The following PCCA variants were observed in gnomAD, a reference collection of about 807,000 sequenced individuals.
PCCA encodes propionyl-CoA carboxylase subunit alpha.
PCCA carries 74 observed loss-of-function variants against 101.3 expected under a neutral mutation model. That is an observed-to-expected ratio of 0.73 (90% CI 0.61 to 0.89). PCCA has a LOEUF of 0.89. PCCA is among the 40% of genes least tolerant of loss of function. The probability of loss-of-function intolerance (pLI) is 0.00; values close to 1 mark genes in which losing one functional copy is unlikely to be tolerated. For synonymous variants in PCCA, 294 were observed against 313.6 expected (o/e 0.94, Z 0.66); for missense variants, 891 against 907.0 (o/e 0.98, Z 0.23).
At chr13:100,113,696 A>G (rs940296287) in intron 4 of PCCA, among the ~76,000 whole-genome samples, 3 of 150,548 alleles carry the variant, frequency 2.0e-5, no homozygotes, top group African/African-American at 2.4e-5. Context: ...CTCCTGCCTC[A>G]TCCTCTCCAG....
At position 100,527,690 on chromosome 13, in the gene PCCA, G is replaced by A; in HGVS notation, c.2056G>A (p.Glu686Lys). 1 of 1,613,974 alleles carries A rather than the reference G, an allele frequency of 6.2e-7. No homozygotes were observed. The highest frequency in any genetic ancestry group is 8.5e-7 in the Non-Finnish European group (1 of 1,179,838). Reference sequence around the variant, plus strand: ...TGTTTTCCAGGTAGCAGAAGGTCAAGAAATTTGTGTGATTGAAGCCATGAA... The same window carrying A: ...TGTTTTCCAGGTAGCAGAAGGTCAAAAAATTTGTGTGATTGAAGCCATGAA... ...KPGDAVAEGQ[E>K]ICVIEAMKMQ... The change falls in exon 23 of 24, where the codon GAA (glutamate) becomes AAA (lysine). Residue 686 changes from glutamate to lysine, a missense_variant. Coordinates refer to ENST00000376285, the MANE Select transcript of PCCA (RefSeq NM_000282.4).
chr13:100,360,123 T>C (rs1207028061), intron 18 of PCCA, among the ~76,000 whole-genome samples: 1 of 151,904 alleles, frequency 6.6e-6, no homozygotes, highest in Non-Finnish European at 1.5e-5. Context: ...GCAAGTCACA[T>C]CTTAAGTGGA....
At chr13:100,416,354 A>G (rs1410072162) in intron 19 of PCCA, among the ~76,000 whole-genome samples, 1 of 151,110 alleles carries the variant, frequency 6.6e-6, no homozygotes, top group Non-Finnish European at 1.5e-5. Flanking sequence ...TCTAATTTTT[A>G]TATTTTTAGT....
At chr13:100,167,895 T>C (rs1400948695) in intron 6 of PCCA, among the ~76,000 whole-genome samples, 1 of 152,064 alleles carries the variant, frequency 6.6e-6, no homozygotes, top group Non-Finnish European at 1.5e-5. Flanking sequence ...GCCTCCTGAG[T>C]AGCTGGGATT....
chr13:100,255,885 ACT>A (rs971229262), intron 8 of PCCA, among the ~76,000 whole-genome samples: 4 of 152,064 alleles, frequency 2.6e-5, no homozygotes, highest in African/African-American at 9.7e-5. Flanking sequence ...CCTGCAGATA[ACT>A]CTGTACTTCA....
intron 19 of PCCA, among the ~76,000 whole-genome samples, chr13:100,408,929 A>G (rs2077851197): frequency 6.6e-6 from 1 of 152,252 alleles, no homozygotes; most frequent in Non-Finnish European, 1.5e-5. Flanking sequence ...TTTTATTCTC[A>G]TGCAAGTGGT....
intron 8 of PCCA, among the ~76,000 whole-genome samples, chr13:100,247,100 G>A (rs967950145): frequency 2.0e-5 from 3 of 151,754 alleles, no homozygotes; most frequent in South Asian, 4.2e-4. Flanking sequence ...TAGAGATGGG[G>A]TTTCACCATG....
At chr13:100,158,131 T>TA (rs2054065029) in intron 6 of PCCA, among the ~76,000 whole-genome samples, 1 of 152,204 alleles carries the variant, frequency 6.6e-6, no homozygotes, top group Non-Finnish European at 1.5e-5. Flanking sequence ...GCTACAAACC[T>TA]ATACGTGTTG....
At chr13:100,152,985 C>T (rs911443850) in intron 4 of PCCA, among the ~76,000 whole-genome samples, 1 of 151,924 alleles carries the variant, frequency 6.6e-6, no homozygotes, top group East Asian at 1.9e-4. Context: ...CTTTTAATTT[C>T]TTTTCCTTGA....
chr13:100,217,769 C>T (rs538909438), intron 7 of PCCA, among the ~76,000 whole-genome samples: 5 of 145,320 alleles, frequency 3.4e-5, no homozygotes, highest in South Asian at 2.1e-4. Flanking sequence ...GCAGGAGAAT[C>T]GCTAGAACCC....
intron 16 of PCCA, among the ~76,000 whole-genome samples, chr13:100,322,368 G>A (rs1345166392): frequency 6.6e-6 from 1 of 152,064 alleles, no homozygotes; most frequent in Non-Finnish European, 1.5e-5. Context: ...GTCTGTGTCT[G>A]GGTGTCTTTT....
intron 21 of PCCA, among the ~76,000 whole-genome samples, chr13:100,495,971 C>T (rs201695134): frequency 7.5e-5 from 5 of 66,852 alleles, no homozygotes; most frequent in Non-Finnish European, 5.7e-5. Context: ...CTCTCTTTCT[C>T]TCTCTCTCTC....
chr13:100,111,178 CTTTTTTTTTTTTTTTT>C (rs965293674), intron 2 of PCCA, among the ~76,000 whole-genome samples: 4 of 98,574 alleles, frequency 4.1e-5, no homozygotes, highest in African/African-American at 8.5e-5. Flanking sequence ...GACCCAGCTC[CTTTTTTTTTTTTTTTT>C]TTTTTTTTTT....
intron 21 of PCCA, 115 bp from the exon 22 acceptor site, chr13:100,515,312 A>T: frequency 1.1e-6 from 1 of 877,884 alleles, no homozygotes; most frequent in Non-Finnish European, 1.8e-6. Flanking sequence ...ATTTGAATTT[A>T]AGGCTCTTAC....
At chr13:100,288,577 G>A (rs1331253108) in intron 12 of PCCA, among the ~76,000 whole-genome samples, 1 of 152,176 alleles carries the variant, frequency 6.6e-6, no homozygotes, top group East Asian at 1.9e-4. Context: ...CAGGGCACCC[G>A]GCGATACATT....
At chr13:100,285,436 A>T (rs1360610808) in intron 12 of PCCA, among the ~76,000 whole-genome samples, 2 of 152,174 alleles carry the variant, frequency 1.3e-5, no homozygotes, top group Non-Finnish European at 2.9e-5. Flanking sequence ...CACCAGTGGC[A>T]TACCTAAGTA....
intron 1 of PCCA, 137 bp from the exon 2 acceptor site, chr13:100,102,746 T>C (rs933812170): frequency 6.1e-6 from 4 of 659,232 alleles, no homozygotes; most frequent in African/African-American, 5.4e-5. Flanking sequence ...TTTGTAATTA[T>C]ATTTATGGTA....
At chr13:100,150,886 G>A (rs1012113395) in intron 4 of PCCA, 9 of 1,557,250 alleles carry the variant, frequency 5.8e-6, no homozygotes, top group Non-Finnish European at 7.1e-6. Context: ...GGCGTTTTCG[G>A]CCACCACGGC....
intron 12 of PCCA, among the ~76,000 whole-genome samples, chr13:100,285,646 C>T (rs1206759966): frequency 6.6e-6 from 1 of 152,168 alleles, no homozygotes; most frequent in Non-Finnish European, 1.5e-5. Context: ...ACCAGGTGCT[C>T]CTCCTTGAAG....
Sources: allele counts gnomAD v4.1 joint callset (sites outside exome capture counted in the v4.1 genomes callset), GRCh38; gene constraint gnomAD v4.1.1; transcripts MANE v1.5; gene names NCBI Gene and HGNC (gene_info 2026-07-23, HGNC 2026-07-21).